The following MYOF variants were observed in gnomAD, a reference collection of about 807,000 sequenced individuals.
MYOF encodes fer-1-like 3, myoferlin.
MYOF carries 244 observed loss-of-function variants against 284.2 expected under a neutral mutation model. The observed-to-expected ratio is 0.86, with a 90% CI of 0.77 to 0.95. The LOEUF (loss-of-function observed/expected upper bound fraction) is 0.95. Among genes scored for constraint, MYOF ranks in the 40% least tolerant of loss-of-function variants. The pLI, the probability that MYOF is intolerant of heterozygous loss-of-function variation, is 0.00. For missense variants in MYOF, 2,496 were observed against 2,560.6 expected (o/e 0.97, Z 0.54); for synonymous variants, 904 against 919.7 (o/e 0.98, Z 0.31).
At chr10:93,417,217 A>G (rs1323162666) in intron 5 of MYOF, among the ~76,000 whole-genome samples, 3 of 151,916 alleles carry the variant, frequency 2.0e-5, no homozygotes, top group South Asian at 2.1e-4. Flanking sequence ...ACTGCATCCA[A>G]CACTGACCTG....
intron 46 of MYOF, chr10:93,323,635 C>T: frequency 4.7e-6 from 2 of 425,512 alleles, no homozygotes; most frequent in Non-Finnish European, 8.4e-6. Context: ...GTTAATAAAA[C>T]TGCAGACTTC....
intron 5 of MYOF, among the ~76,000 whole-genome samples, chr10:93,423,502 G>A (rs1168429366): frequency 2.7e-5 from 3 of 112,860 alleles, no homozygotes; most frequent in African/African-American, 1.0e-4. Context: ...CTCCAGCCTA[G>A]ATGACAGAGC....
chr10:93,380,727 G>A (rs1036165246), intron 20 of MYOF, among the ~76,000 whole-genome samples: 1 of 152,100 alleles, frequency 6.6e-6, no homozygotes, highest in East Asian at 1.9e-4. Flanking sequence ...TAATCCTCAT[G>A]TCAACTCCAG....
chr10:93,416,257 G>C (rs190349961), intron 5 of MYOF, among the ~76,000 whole-genome samples: 1 of 152,168 alleles, frequency 6.6e-6, no homozygotes, highest in Non-Finnish European at 1.5e-5. Context: ...CGTGGCTCAT[G>C]CCTGTAATCC....
rs1408059202 is a variant in MYOF at position 93,392,972 on chromosome 10, T to A, written c.1418-17A>T. On this transcript the variant is annotated splice_polypyrimidine_tract_variant and intron_variant, in intron 16 of 53. Coordinates refer to ENST00000359263, the MANE Select transcript of MYOF (RefSeq NM_013451.4). ...ATGAGAAATCTATATAGTAAAAATA[T>A]GACTGGTTAAACAAGAAGAACACGG... 6.2e-7 allele frequency: 1 copy of A among 1,604,566 alleles called. No individual in the cohort carries two copies. The highest frequency in any genetic ancestry group is 8.5e-7 in the Non-Finnish European group (1 of 1,171,656).
rs1259559424 is a variant in MYOF at position 93,310,604 on chromosome 10, C to T, written c.5929G>A (p.Glu1977Lys). 3 of 1,614,056 alleles carry T rather than the reference C, an allele frequency of 1.9e-6. No homozygotes were observed. The highest frequency in any genetic ancestry group is 2.7e-5 in the African/African-American group (2 of 74,910). The part of the protein sequence containing the change: ...EMTLEILNEK[E>K]ADERPAGKGR... ...TTCCCGGCTGGCCTCTCGTCGGCCT[C>T]CTTCTCGTTGAGGATTTCCAATGTC... Residue 1977 changes from glutamate to lysine, a missense_variant, in exon 52 of 54, where the codon GAG becomes AAG. Transcript: ENST00000359263.
At chr10:93,466,976 TCAAA>T (rs2057023538) in intron 1 of MYOF, among the ~76,000 whole-genome samples, 1 of 151,126 alleles carries the variant, frequency 6.6e-6, no homozygotes, top group Non-Finnish European at 1.5e-5. Flanking sequence ...AGACCCTATC[TCAAA>T]CAAACAAGCA....
At chr10:93,332,471 C>T (rs1044216456) in intron 43 of MYOF, among the ~76,000 whole-genome samples, 6 of 151,886 alleles carry the variant, frequency 4.0e-5, no homozygotes, top group South Asian at 2.1e-4. Flanking sequence ...CCACCAACCT[C>T]GGCCTCCCTA....
Position 93,374,965 on chromosome 10 carries a change from T to C in MYOF, c.2109-10A>G, listed in dbSNP as rs2298157. On this transcript the variant is annotated splice_polypyrimidine_tract_variant and intron_variant, in intron 22 of 53. Coordinates refer to ENST00000359263, the MANE Select transcript of MYOF (RefSeq NM_013451.4). Reference sequence around the variant, plus strand: ...GAGAGGCAACGTGTATCTAGAAAAATGAAGAAAAAAAGAAACAGAGGATTT... The same window carrying C: ...GAGAGGCAACGTGTATCTAGAAAAACGAAGAAAAAAAGAAACAGAGGATTT... 5 of 1,600,062 alleles carry C rather than the reference T, an allele frequency of 3.1e-6. No homozygotes were observed. The East Asian group carries it at 8.9e-5, about 29-fold the overall frequency.
intron 13 of MYOF, among the ~76,000 whole-genome samples, chr10:93,398,849 A>G (rs1847143314): frequency 6.6e-6 from 1 of 151,778 alleles, no homozygotes; most frequent in Non-Finnish European, 1.5e-5. Flanking sequence ...CCAACTCTCA[A>G]CTCTCCAATC....
chr10:93,369,903 A>G, intron 24 of MYOF, 127 bp from the exon 25 acceptor site: 1 of 1,201,934 alleles, frequency 8.3e-7, no homozygotes. Flanking sequence ...TGTTTGCTTC[A>G]GTTAAAACAT....
chr10:93,426,044 GC>G lies in MYOF; in HGVS notation c.433+26del, dbSNP rs1848576543. The G allele has an allele frequency of 1.3e-6, 2 of 1,547,304 alleles. 1 individual carries two copies. The highest frequency in any genetic ancestry group is 2.4e-5 in the South Asian group (2 of 83,946). The stretch of plus-strand genomic sequence containing the variant: ...CTTTAGCAGCCTCCCCCTGGGGGTG[GC>G]TGGGCCTTCAGAAGGGTCAGCTTAC... On this transcript the variant is annotated intron_variant, in intron 5 of 53. Coordinates refer to ENST00000359263, the MANE Select transcript of MYOF (RefSeq NM_013451.4).
In MYOF at chr10:93,329,670, T is replaced by C; in HGVS notation, c.4976A>G (p.Tyr1659Cys). 1 of 1,613,942 alleles carries C rather than the reference T, an allele frequency of 6.2e-7. No individual in the cohort carries two copies. The highest frequency in any genetic ancestry group is 8.5e-7 in the Non-Finnish European group (1 of 1,180,030). Residue 1659 changes from tyrosine to cysteine, a missense_variant, in exon 44 of 54, where the codon TAC becomes TGC. Around this residue, in one of 3 missense-constraint regions of MYOF, gnomAD observed 2,436 missense variants for 2,480.7 expected, o/e 0.98. Transcript: ENST00000359263. ...TACAGTCAAAGCAACTTACACACAG[T>C]ACTCCTCTGGTATGCCGCAGTGGGA... ...FGSHCGIPEEYCVSGVNTWRD... is the reference protein window; with the variant it reads ...FGSHCGIPEECCVSGVNTWRD...
chr10:93,461,699 T>C (rs180835797), intron 1 of MYOF, among the ~76,000 whole-genome samples: 295 of 152,162 alleles, frequency 1.9e-3, no homozygotes, highest in Non-Finnish European at 3.5e-3. Context: ...CCAAAGAGCA[T>C]AGAACTGGGT....
In MYOF at chr10:93,401,554, G is replaced by A; in HGVS notation, c.991-10C>T. ...GATCTCGTCTCTCAGGCTATTAGGGGCACATGATTTAAATTATACATACAG... is the reference window on the plus strand; with the variant it reads ...GATCTCGTCTCTCAGGCTATTAGGGACACATGATTTAAATTATACATACAG... On this transcript the variant is annotated splice_polypyrimidine_tract_variant and intron_variant, in intron 11 of 53. Transcript: ENST00000359263. 1.2e-6 allele frequency: 2 copies of A among 1,613,164 alleles called. No individual in the cohort carries two copies. Among genetic ancestry groups the A allele is most frequent in the East Asian group, 2.2e-5 (1 of 44,864 alleles).
intron 5 of MYOF, among the ~76,000 whole-genome samples, chr10:93,417,004 G>A (rs1444034911): frequency 1.3e-5 from 2 of 152,234 alleles, no homozygotes; most frequent in Non-Finnish European, 2.9e-5. Context: ...TTGAGGCTCA[G>A]AGAGGTTAAG....
At chr10:93,416,315 A>C (rs1848118174) in intron 5 of MYOF, among the ~76,000 whole-genome samples, 1 of 152,082 alleles carries the variant, frequency 6.6e-6, no homozygotes, top group East Asian at 1.9e-4. Flanking sequence ...TCAGGAGTTC[A>C]AGACCAGCCT....
chr10:93,366,413 C>T lies in MYOF; in HGVS notation c.2732G>A (p.Trp911Ter). 6.2e-7 allele frequency: 1 copy of T among 1,613,236 alleles called. No individual in the cohort carries two copies. Among genetic ancestry groups the T allele is most frequent in the South Asian group, 1.1e-5 (1 of 90,834 alleles). The change falls in exon 26 of 54, where the codon TGG becomes TAG. Residue 911 changes from tryptophan to a stop codon, truncating the protein, a stop_gained. Coordinates refer to ENST00000359263, the MANE Select transcript of MYOF (RefSeq NM_013451.4). LOFTEE classifies it high-confidence loss of function. ...TTACCTTCTTTCAGGATCAACTATC[C>T]ACTCTCCTTCCCATTCCCAGCCTTT... ...PPKGWEWEGE[W>*]IVDPERSLLT...
chr10:93,373,868 T>A (rs1845710648), intron 23 of MYOF, among the ~76,000 whole-genome samples: 1 of 151,170 alleles, frequency 6.6e-6, no homozygotes, highest in South Asian at 2.1e-4. Context: ...ACACCTACCA[T>A]TTTTTTTTAT....
Sources: allele counts gnomAD v4.1 joint callset (sites outside exome capture counted in the v4.1 genomes callset), GRCh38; gene constraint gnomAD v4.1.1; regional missense constraint gnomAD v4.1.1; transcripts MANE v1.5; gene names NCBI Gene and HGNC (gene_info 2026-07-23, HGNC 2026-07-21).